PLXNC1: variants seen among roughly 807,000 people sequenced by gnomAD.
PLXNC1 encodes plexin-C1.
Under a neutral mutation model 178.2 loss-of-function variants are expected in PLXNC1, and 75 were observed. The ratio of observed to expected loss-of-function variants is 0.42; its 90% CI spans 0.35 to 0.51. The LOEUF (loss-of-function observed/expected upper bound fraction) is 0.51. PLXNC1 is among the 20% of genes least tolerant of loss of function. The pLI is 0.02. For synonymous variants in PLXNC1, 790 were observed against 779.9 expected, an observed-to-expected ratio of 1.01 and a Z score of -0.22; for missense variants, 1,503 against 1,984.4, an observed-to-expected ratio of 0.76 and a Z score of 4.61.
intron 9 of PLXNC1, among the ~76,000 whole-genome samples, chr12:94,231,370 A>G (rs1964097840): frequency 6.6e-6 from 1 of 152,238 alleles, no homozygotes; most frequent in African/African-American, 2.4e-5. Flanking sequence ...GCAGGAAATT[A>G]TGAGACACAA....
chr12:94,301,049 C>CA lies in PLXNC1; in HGVS notation c.4378_4379insA (p.Leu1460HisfsTer8). The CA allele has an allele frequency of 6.2e-7, 1 of 1,613,644 alleles. No individual in the cohort carries two copies. The highest frequency in any genetic ancestry group is 8.5e-7 in the Non-Finnish European group (1 of 1,179,682). On this transcript the variant is annotated frameshift_variant, in exon 28 of 31. Transcript: ENST00000258526. LOFTEE classifies it high-confidence loss of function. ...TGCATTTTCTCTCACAGAGCAGCAA[C>CA]TAGGGAAGGTAAGGCCCAGCTTGAG...
intron 6 of PLXNC1, among the ~76,000 whole-genome samples, chr12:94,223,674 C>G (rs907944346): frequency 6.6e-6 from 1 of 152,180 alleles, no homozygotes; most frequent in Non-Finnish European, 1.5e-5. Flanking sequence ...GGTTTTCTAA[C>G]CAATGAGTAG....
chr12:94,156,598 C>T (rs566605587), intron 1 of PLXNC1, among the ~76,000 whole-genome samples: 1 of 152,152 alleles, frequency 6.6e-6, no homozygotes, highest in East Asian at 1.9e-4. Context: ...CTGCCTCAGC[C>T]TCCTGAGTAG....
At chr12:94,278,128 C>G (rs1484813610) in intron 21 of PLXNC1, 1 of 412,470 alleles carries the variant, frequency 2.4e-6, no homozygotes, top group Non-Finnish European at 4.8e-6. Flanking sequence ...GCCTGTTAGA[C>G]TCTCCGCTCC....
Position 94,149,375 on chromosome 12 carries a change from A to G in PLXNC1, c.404A>G (p.Glu135Gly). ...TGWTFDRGAC[E>G]VRPLGNLSRN... ...TGGACCTTCGACCGGGGCGCCTGCGAGGTGCGGCCCCTGGGCAACCTGAGC... is the reference window on the plus strand; with the variant it reads ...TGGACCTTCGACCGGGGCGCCTGCGGGGTGCGGCCCCTGGGCAACCTGAGC... The change falls in exon 1 of 31, where the codon GAG becomes GGG. Residue 135 changes from glutamate to glycine, a missense_variant. Around this residue, in one of 4 missense-constraint regions of PLXNC1, gnomAD observed 73 missense variants for 125.4 expected, o/e 0.58. Transcript: ENST00000258526. 2 of 1,424,344 alleles carry G rather than the reference A, an allele frequency of 1.4e-6. No individual in the cohort carries two copies. The highest frequency in any genetic ancestry group is 2.8e-5 in the East Asian group (1 of 35,184). The allele number at this position is 1,424,344 out of a possible 1,614,324, so 88.2% of individuals were successfully genotyped here. A position where few individuals can be genotyped will look rare whatever the true frequency, so the allele number is the denominator to read the frequency against.
intron 20 of PLXNC1, among the ~76,000 whole-genome samples, chr12:94,263,654 A>G (rs1011449113): frequency 2.0e-5 from 3 of 151,932 alleles, no homozygotes; most frequent in Non-Finnish European, 4.4e-5. Flanking sequence ...AGAGAAGAGA[A>G]GGGTGAGGTT....
intron 4 of PLXNC1, among the ~76,000 whole-genome samples, chr12:94,204,483 G>A (rs1052445241): frequency 1.3e-5 from 2 of 152,230 alleles, no homozygotes; most frequent in African/African-American, 4.8e-5. Flanking sequence ...ATTTTATCAT[G>A]TAGACTGACT....
chr12:94,303,694 T>C, intron 28 of PLXNC1, 62 bp from the exon 29 acceptor site: 1 of 135,732 alleles, frequency 7.4e-6, no homozygotes. Flanking sequence ...TTCCTCCATC[T>C]TTTTTTTTTT....
Position 94,186,803 on chromosome 12 carries a change from C to A in PLXNC1, c.1439+330C>A, listed in dbSNP as rs139472556. ...TCAAGAGAGAGGCAAAAGGGCCCCC[C>A]CTCCGAGAAGATAAAAGAATAGAGA... On this transcript the variant is annotated intron_variant, in intron 4 of 30. Transcript: ENST00000258526. 7.4e-3 allele frequency: 1,836 copies of A among 247,276 alleles called. 41 individuals are homozygous for A. The highest frequency in any genetic ancestry group is 0.038 in the African/African-American group (1,756 of 45,818). 15.3% of individuals were successfully genotyped at this position (247,276 alleles called of 1,614,324 possible). A position where few individuals can be genotyped will look rare whatever the true frequency, so the allele number is the denominator to read the frequency against.
intron 2 of PLXNC1, 41 bp from the exon 3 acceptor site, chr12:94,181,405 T>G: frequency 7.6e-7 from 1 of 1,315,872 alleles, no homozygotes; most frequent in Non-Finnish European, 1.1e-6. Context: ...AAAAAAGTAT[T>G]AAATAGAAAT....
chr12:94,273,011 G>A (rs77456131), intron 21 of PLXNC1, among the ~76,000 whole-genome samples: 10,721 of 152,104 alleles, frequency 0.07, 511 homozygotes, highest in Admixed American at 0.12. Flanking sequence ...GTCAGGACAC[G>A]TCCTAGTTAT....
intron 5 of PLXNC1, among the ~76,000 whole-genome samples, chr12:94,209,929 C>T (rs1202184767): frequency 6.6e-6 from 1 of 152,194 alleles, no homozygotes; most frequent in African/African-American, 2.4e-5. Context: ...TGGGCCTGCT[C>T]TCATGGAGTT....
chr12:94,227,206 A>G lies in PLXNC1; in HGVS notation c.1951A>G (p.Lys651Glu). 6.2e-7 allele frequency: 1 copy of G among 1,612,864 alleles called. No homozygotes were observed. Among genetic ancestry groups the G allele is most frequent in the African/African-American group, 1.3e-5 (1 of 75,026 alleles). ...TSGGGRPKEN[K>E]GNRTNQALQV... ...AGGAGGAGGAAGACCCAAGGAGAAC[A>G]AGGGGAACAGAACCAACCAGGCTTT... Residue 651 changes from lysine to glutamate, a missense_variant, in exon 9 of 31, where the codon AAG becomes GAG. By Grantham distance (56) the Lys-to-Glu change is moderately conservative. Transcript: ENST00000258526.
intron 2 of PLXNC1, among the ~76,000 whole-genome samples, chr12:94,173,233 T>C (rs1458861402): frequency 6.6e-6 from 1 of 152,206 alleles, no homozygotes; most frequent in East Asian, 1.9e-4. Flanking sequence ...ACACCGAGTC[T>C]TTCTCCAGAT....
intron 22 of PLXNC1, chr12:94,279,852 C>T (rs554730307): frequency 1.3e-5 from 9 of 695,368 alleles, no homozygotes; most frequent in East Asian, 5.4e-5. Context: ...GAAGGAAGCA[C>T]GGTCCTTCAA....
chr12:94,233,315 G>T (rs1448376595), intron 9 of PLXNC1, among the ~76,000 whole-genome samples: 1 of 152,188 alleles, frequency 6.6e-6, no homozygotes, highest in Admixed American at 6.5e-5. Flanking sequence ...TGGCCAAAGG[G>T]TGGACTTTGA....
intron 4 of PLXNC1, among the ~76,000 whole-genome samples, chr12:94,206,255 A>C (rs1963294826): frequency 6.7e-6 from 1 of 150,040 alleles, no homozygotes; most frequent in Non-Finnish European, 1.5e-5. Context: ...TAGGTTTGGA[A>C]CTTTTTTTTT....
At chr12:94,253,082 G>A (rs147841985) in intron 15 of PLXNC1, among the ~76,000 whole-genome samples, 4 of 151,838 alleles carry the variant, frequency 2.6e-5, no homozygotes, top group East Asian at 1.9e-4. Context: ...GTGGTGGCAC[G>A]TGCCTGTAAT....
chr12:94,256,241 A>G (rs1277061001), intron 17 of PLXNC1: 2 of 152,208 alleles, frequency 1.3e-5, no homozygotes, highest in African/African-American at 4.8e-5. Context: ...CTCCGGAACA[A>G]TTGGCCAGAA....
Sources: gnomAD v4.1 joint callset for allele counts (sites outside exome capture counted in the v4.1 genomes callset) on GRCh38, gnomAD v4.1.1 for gene constraint, gnomAD v4.1.1 regional missense constraint, MANE v1.5 for transcripts, NCBI Gene and HGNC (gene_info 2026-07-23, HGNC 2026-07-21) for gene names.